The following CEP250 variants were observed in gnomAD, a reference collection of about 807,000 sequenced individuals.
The protein encoded by CEP250 is centrosome-associated protein CEP250.
In CEP250, 242 loss-of-function variants were observed where a neutral mutation model predicts 315.7. The observed-to-expected ratio is 0.77, with a 90% CI of 0.69 to 0.85. The LOEUF (loss-of-function observed/expected upper bound fraction) is 0.85, where lower values mean the gene tolerates loss of function less well. Among genes scored for constraint, CEP250 ranks in the 40% least tolerant of loss-of-function variants. The pLI is 0.00. For synonymous variants in CEP250, 1,088 were observed against 1,175.0 expected (o/e 0.93, Z 1.51); for missense variants, 2,515 against 2,886.4 (o/e 0.87, Z 2.95).
intron 32 of CEP250, 26 bp from the exon 33 acceptor site, chr20:35,508,917 C>A: frequency 6.5e-7 from 1 of 1,543,046 alleles, no homozygotes; most frequent in East Asian, 2.4e-5. Flanking sequence ...AAGCCGAGCC[C>A]TGATTTCTTA....
At chr20:35,494,860 T>C (rs2063794314) in intron 24 of CEP250, among the ~76,000 whole-genome samples, 1 of 152,248 alleles carries the variant, frequency 6.6e-6, no homozygotes, top group South Asian at 2.1e-4. Context: ...ACGCCTGTTA[T>C]GCACCAGGCA....
At chr20:35,505,266 G>C (rs943301491) in intron 30 of CEP250, among the ~76,000 whole-genome samples, 1 of 152,206 alleles carries the variant, frequency 6.6e-6, no homozygotes, top group East Asian at 1.9e-4. Context: ...GTGCCTAATG[G>C]GGGAAGTTTA....
rs573053905 is a variant in CEP250, at chr20:35,479,503, A to G, written c.2288+79A>G. 107 of 1,542,164 alleles carry G rather than the reference A, an allele frequency of 6.9e-5. 1 individual carries two copies. In the South Asian group the frequency reaches 1.2e-3, roughly 17 times the overall value. ...GCGTGAAGCTAAGCTCCCTGCCATA[A>G]GTATGCAGGTCCTAAATTGATTATG... On this transcript the variant is annotated intron_variant, in intron 18 of 34. Transcript: ENST00000397527.
intron 25 of CEP250, among the ~76,000 whole-genome samples, chr20:35,497,186 T>A (rs947396890): frequency 6.6e-6 from 1 of 152,158 alleles, no homozygotes; most frequent in Admixed American, 6.6e-5. Context: ...AAGAGCCAGA[T>A]GGTGGCTTGC....
chr20:35,495,433 G>A (rs932361292), intron 24 of CEP250, among the ~76,000 whole-genome samples: 6 of 152,218 alleles, frequency 3.9e-5, no homozygotes, highest in Non-Finnish European at 1.5e-5. Flanking sequence ...TCAGAGTGAA[G>A]AGCAGCTTGT....
Position 35,504,948 on chromosome 20 carries a change from A to G in CEP250, c.6579A>G (p.Val2193=). 1 of 1,613,994 alleles carries G rather than the reference A, an allele frequency of 6.2e-7. No homozygotes were observed. Among genetic ancestry groups the G allele is most frequent in the East Asian group, 2.2e-5 (1 of 44,870 alleles). Residue 2193 remains valine, a synonymous_variant, in exon 30 of 35, where the codon GTA becomes GTG. Coordinates refer to ENST00000397527, the MANE Select transcript of CEP250 (RefSeq NM_007186.6). ...CCAGTGTCAGCAGTCTGCAGGAGGTAGCCATGTTCCTACAAGCCTCTGTCC... is the reference window on the plus strand; with the variant it reads ...CCAGTGTCAGCAGTCTGCAGGAGGTGGCCATGTTCCTACAAGCCTCTGTCC... ...TKASVSSLQE[V]AMFLQASVLE... is the part of the protein sequence containing the mutation.
At chr20:35,499,484 C>T (rs1030929202) in intron 27 of CEP250, among the ~76,000 whole-genome samples, 3 of 152,168 alleles carry the variant, frequency 2.0e-5, no homozygotes, top group African/African-American at 7.2e-5. Context: ...ACCTATCAGT[C>T]AATACAAATT....
intron 14 of CEP250, chr20:35,474,832 C>T (rs1400817328): frequency 4.2e-6 from 2 of 471,002 alleles, no homozygotes; most frequent in Admixed American, 4.7e-5. Flanking sequence ...TGGAAAACGC[C>T]AGCATAGAAC....
Position 35,501,867 on chromosome 20 carries a change from G to C in CEP250, c.3921G>C (p.Lys1307Asn). ...AAGAGAAATCTAAGTGGGAAGGAAA[G>C]CAGAACTCCCTAGAATCTGAGCTGA... ...NQEEKSKWEG[K>N]QNSLESELME... Residue 1307 changes from lysine to asparagine, a missense_variant, in exon 29 of 35, where the codon AAG (lysine) becomes AAC (asparagine). Lys to Asn is a moderately conservative substitution (Grantham distance 94). Transcript: ENST00000397527. The C allele has an allele frequency of 6.2e-7, 1 of 1,612,040 alleles. No homozygotes were observed. Among genetic ancestry groups the C allele is most frequent in the Non-Finnish European group, 8.5e-7 (1 of 1,179,394 alleles).
chr20:35,470,153 T>C, intron 10 of CEP250, 167 bp downstream of exon 10: 1 of 626,458 alleles, frequency 1.6e-6, no homozygotes, highest in African/African-American at 1.8e-5. Flanking sequence ...CATTCATTTA[T>C]TCATTGAATA....
intron 20 of CEP250, among the ~76,000 whole-genome samples, chr20:35,485,201 C>T (rs1487315449): frequency 6.6e-6 from 1 of 151,888 alleles, no homozygotes; most frequent in African/African-American, 2.4e-5. Context: ...GGTGAAACTC[C>T]ATCTCTACTA....
chr20:35,509,128 G>A (rs770387106), intron 33 of CEP250, 84 bp downstream of exon 33: 109 of 1,106,308 alleles, frequency 9.9e-5, no homozygotes, highest in Non-Finnish European at 1.4e-4. Context: ...CATATCCCGG[G>A]CCAACAGCAC....
chr20:35,494,759 G>C, intron 24 of CEP250, 102 bp downstream of exon 24: 1 of 1,333,340 alleles, frequency 7.5e-7, no homozygotes, highest in Non-Finnish European at 1.0e-6. Context: ...TTTCATGTCT[G>C]CAACTCTGGG....
Position 35,503,928 on chromosome 20 carries a change from A to G in CEP250, c.5559A>G (p.Thr1853=), listed in dbSNP as rs2064099490. The G allele has an allele frequency of 8.7e-6, 14 of 1,613,744 alleles. No homozygotes were observed. Among genetic ancestry groups the G allele is most frequent in the Non-Finnish European group, 1.0e-5 (12 of 1,179,770 alleles). The change falls in exon 30 of 35, where the codon ACA becomes ACG. Residue 1853 remains threonine, a synonymous_variant. Transcript: ENST00000397527. This position sits in a 1 kb window ranked among gnomAD's most constrained non-coding sequence, Gnocchi z 4.2. ...GAGCTCTGGAGCAAGCCCATATGAC[A>G]CTGAAGGAGCGTCATGGAGAGCTTC... ...LQGALEQAHM[T]LKERHGELQD...
At chr20:35,488,443 T>C (rs1459821229) in intron 20 of CEP250, among the ~76,000 whole-genome samples, 1 of 152,120 alleles carries the variant, frequency 6.6e-6, no homozygotes, top group Non-Finnish European at 1.5e-5. Flanking sequence ...AGACCTCTTT[T>C]TTTTCTTTTT....
Position 35,503,126 on chromosome 20 carries a change from A to G in CEP250, c.4757A>G (p.Gln1586Arg), listed in dbSNP as rs2064065713. Reference protein sequence around the residue: ...IKELEGQRETQRVALTHLTLD... With the variant: ...IKELEGQRETRRVALTHLTLD... The stretch of plus-strand genomic sequence containing the variant: ...GAGCTGGAGGGCCAGAGGGAAACCC[A>G]GAGAGTGGCTTTGACCCACCTTACG... Residue 1586 changes from glutamine (Q) to arginine (R), a missense_variant, in exon 30 of 35, where the codon CAG becomes CGG. Physicochemically the swap from Gln to Arg is conservative, Grantham distance 43 (BLOSUM62 1). Coordinates refer to ENST00000397527, the MANE Select transcript of CEP250 (RefSeq NM_007186.6). The surrounding 1 kb of genome is among the most constrained non-coding windows in gnomAD (Gnocchi z 4.2). The G allele has an allele frequency of 6.2e-7, 1 of 1,614,058 alleles. No individual in the cohort carries two copies. The highest frequency in any genetic ancestry group is 1.1e-5 in the South Asian group (1 of 91,090).
At chr20:35,489,711 C>T (rs567335815) in intron 20 of CEP250, among the ~76,000 whole-genome samples, 10 of 152,304 alleles carry the variant, frequency 6.6e-5, no homozygotes, top group Middle Eastern at 3.4e-3. Context: ...ACAAGAAGCA[C>T]CCCTATCCTA....
chr20:35,463,545 A>C (rs774853722), intron 4 of CEP250, 30 bp from the exon 5 acceptor site: 1 of 1,578,790 alleles, frequency 6.3e-7, no homozygotes, highest in Admixed American at 1.9e-5. Flanking sequence ...AGCTGTGTTC[A>C]TTGCCCAGGG....
intron 23 of CEP250, among the ~76,000 whole-genome samples, chr20:35,493,927 A>C (rs1197328131): frequency 6.6e-6 from 1 of 152,216 alleles, no homozygotes; most frequent in Non-Finnish European, 1.5e-5. Flanking sequence ...TCATTTTTAA[A>C]AAAGCAATCA....
Sources: allele counts gnomAD v4.1 joint callset (sites outside exome capture counted in the v4.1 genomes callset), GRCh38; gene constraint gnomAD v4.1.1; non-coding constraint Gnocchi (gnomAD v3.1); transcripts MANE v1.5; gene names NCBI Gene and HGNC (gene_info 2026-07-23, HGNC 2026-07-21).